VPS13B: variants seen among roughly 807,000 people sequenced by gnomAD.
The protein encoded by VPS13B is intermembrane lipid transfer protein VPS13B.
A neutral mutation model predicts 426.4 loss-of-function variants in VPS13B; 285 were observed. That is an observed-to-expected ratio of 0.67 (90% confidence interval 0.61 to 0.74). The LOEUF (loss-of-function observed/expected upper bound fraction) is 0.74, where lower values mean the gene tolerates loss of function less well. Among genes scored for constraint, VPS13B ranks in the 30% least tolerant of loss-of-function variants. The pLI is 0.00. For missense variants in VPS13B, 4,537 were observed against 4,782.6 expected (o/e 0.95, Z 1.51); for synonymous variants, 1,676 against 1,676.4 (o/e 1.00, Z 0.01).
At chr8:99,815,890 G>A (rs1007823813) in intron 44 of VPS13B, among the ~76,000 whole-genome samples, 3 of 152,114 alleles carry the variant, frequency 2.0e-5, no homozygotes, top group African/African-American at 7.2e-5. Flanking sequence ...GGAGTACAGT[G>A]GTGCAATTAC....
chr8:99,438,094 G>A (rs1307535984), intron 22 of VPS13B, among the ~76,000 whole-genome samples: 2 of 141,412 alleles, frequency 1.4e-5, no homozygotes, highest in African/African-American at 5.3e-5. Context: ...AGTCTTCTGA[G>A]TTTAATGGCA....
chr8:99,710,189 A>G (rs1047047052), intron 36 of VPS13B, among the ~76,000 whole-genome samples: 6 of 152,176 alleles, frequency 3.9e-5, no homozygotes, highest in African/African-American at 1.2e-4. Flanking sequence ...TAGAACAAAT[A>G]TAAACATTTG....
intron 17 of VPS13B, among the ~76,000 whole-genome samples, chr8:99,211,568 CTT>C (rs1815090732): frequency 6.6e-6 from 1 of 152,058 alleles, no homozygotes; most frequent in Admixed American, 6.6e-5. Flanking sequence ...GCAGTTAAAA[CTT>C]TTGTTCTGTT....
intron 20 of VPS13B, among the ~76,000 whole-genome samples, chr8:99,384,847 T>G (rs1383884853): frequency 6.6e-6 from 1 of 152,122 alleles, no homozygotes; most frequent in African/African-American, 2.4e-5. Context: ...GCCCAGCTAA[T>G]TTTTGTATTT....
intron 8 of VPS13B, 107 bp downstream of exon 8, chr8:99,121,552 G>A: frequency 6.5e-7 from 1 of 1,538,366 alleles, no homozygotes. Context: ...TTCAGTAGAT[G>A]TGAGATAGAG....
chr8:99,603,246 A>G (rs1480835831), intron 33 of VPS13B, among the ~76,000 whole-genome samples: 1 of 152,222 alleles, frequency 6.6e-6, no homozygotes, highest in Non-Finnish European at 1.5e-5. Context: ...AGATCACCAC[A>G]GATGCAAGTG....
intron 3 of VPS13B, among the ~76,000 whole-genome samples, chr8:99,055,044 G>GTTTTTTTTTTTTTTTTTTTTTT (rs397779213): frequency 7.0e-6 from 1 of 141,882 alleles, no homozygotes. Context: ...TTTTTTTTTT[G>GTTTTTTTTTTTTTTTTTTTTTT]TTTTTTTTTT....
At chr8:99,405,744 C>T (rs936755416) in intron 21 of VPS13B, among the ~76,000 whole-genome samples, 2 of 151,604 alleles carry the variant, frequency 1.3e-5, no homozygotes, top group African/African-American at 4.8e-5. Context: ...TACATGGATC[C>T]TGTTTCATTT....
chr8:99,422,110 G>A (rs189489834), intron 21 of VPS13B, among the ~76,000 whole-genome samples: 2 of 152,244 alleles, frequency 1.3e-5, no homozygotes, highest in Admixed American at 6.5e-5. Flanking sequence ...GACCTGTCTT[G>A]CCTTTCCCTA....
At chr8:99,701,713 T>C (rs999281817) in intron 36 of VPS13B, among the ~76,000 whole-genome samples, 8 of 152,172 alleles carry the variant, frequency 5.3e-5, no homozygotes, top group African/African-American at 1.9e-4. Context: ...TTTAAAATAA[T>C]TATTTGCATC....
chr8:99,510,225 T>C (rs1421365966), intron 28 of VPS13B, among the ~76,000 whole-genome samples: 1 of 152,330 alleles, frequency 6.6e-6, no homozygotes, highest in East Asian at 1.9e-4. Flanking sequence ...AAGCATGGTA[T>C]CGATGAGGCT....
intron 19 of VPS13B, among the ~76,000 whole-genome samples, chr8:99,368,950 G>A (rs1014567980): frequency 6.9e-4 from 105 of 152,212 alleles, no homozygotes; most frequent in African/African-American, 2.4e-3. Context: ...TTATTTCCAT[G>A]TTGTTGCACA....
chr8:99,198,868 C>T (rs868096449), intron 17 of VPS13B, among the ~76,000 whole-genome samples: 1 of 151,886 alleles, frequency 6.6e-6, no homozygotes, highest in African/African-American at 2.4e-5. Context: ...AAACCTCATT[C>T]TGTGCTTTGT....
chr8:99,339,614 T>A (rs1194203240), intron 19 of VPS13B, among the ~76,000 whole-genome samples: 1 of 152,020 alleles, frequency 6.6e-6, no homozygotes, highest in Non-Finnish European at 1.5e-5. Flanking sequence ...GTCAGTTTTT[T>A]TTTTTTTCCA....
intron 16 of VPS13B, among the ~76,000 whole-genome samples, chr8:99,181,150 G>A (rs1300148894): frequency 1.3e-5 from 2 of 152,116 alleles, no homozygotes; most frequent in African/African-American, 2.4e-5. Context: ...TGAAAAACAG[G>A]TTGTATAAAT....
chr8:99,090,088 A>G (rs1342565860), intron 3 of VPS13B, among the ~76,000 whole-genome samples: 1 of 152,046 alleles, frequency 6.6e-6, no homozygotes. Flanking sequence ...TTTCAGGTTA[A>G]GTTTGGAATG....
chr8:99,171,704 T>G (rs143616214), intron 16 of VPS13B, among the ~76,000 whole-genome samples: 6 of 152,232 alleles, frequency 3.9e-5, no homozygotes, highest in Non-Finnish European at 7.4e-5. Flanking sequence ...TTAAGACTAC[T>G]TCTGTGTTAT....
At chr8:99,611,005 A>G (rs1472465097) in intron 33 of VPS13B, among the ~76,000 whole-genome samples, 2 of 152,226 alleles carry the variant, frequency 1.3e-5, no homozygotes, top group Non-Finnish European at 2.9e-5. Flanking sequence ...GGTTATAGAA[A>G]AACTGTTAGA....
At chr8:99,850,540 A>T (rs1209296992) in intron 55 of VPS13B, among the ~76,000 whole-genome samples, 1 of 152,190 alleles carries the variant, frequency 6.6e-6, no homozygotes, top group African/African-American at 2.4e-5. Flanking sequence ...GATTATTTAT[A>T]ATAGCATTTA....
Sources: allele counts gnomAD v4.1 joint callset (sites outside exome capture counted in the v4.1 genomes callset), GRCh38; gene constraint gnomAD v4.1.1; transcripts MANE v1.5; gene names NCBI Gene and HGNC (gene_info 2026-07-23, HGNC 2026-07-21).